Variants in IGDCC3 observed in about 807,000 individuals in gnomAD.
IGDCC3 encodes the protein immunoglobulin superfamily DCC subclass member 3, also known as putative neuronal cell adhesion molecule.
Under a neutral mutation model 72.0 loss-of-function variants are expected in IGDCC3, and 47 were observed. That is an observed-to-expected ratio of 0.65 (90% CI 0.52 to 0.83). The LOEUF (loss-of-function observed/expected upper bound fraction) is 0.83, where lower values mean the gene tolerates loss of function less well. IGDCC3 is among the 40% of genes least tolerant of loss of function. The probability of loss-of-function intolerance (pLI) is 0.00; values close to 1 mark genes in which losing one functional copy is unlikely to be tolerated. For synonymous variants in IGDCC3, 477 were observed against 472.8 expected, an observed-to-expected ratio of 1.01 and a Z score of -0.11; for missense variants, 1,038 against 1,091.3, an observed-to-expected ratio of 0.95 and a Z score of 0.69.
Position 65,331,191 on chromosome 15 carries a change from C to T in IGDCC3, c.1420G>A (p.Glu474Lys). 2.5e-6 allele frequency: 4 copies of T among 1,614,062 alleles called. No individual in the cohort carries two copies. The highest frequency in any genetic ancestry group is 2.2e-5 in the East Asian group (1 of 44,870). Residue 474 changes from glutamate (E) to lysine (K), a missense_variant, in exon 9 of 14, where the codon GAG becomes AAG. By Grantham distance (56) the Glu-to-Lys change is moderately conservative (BLOSUM62 1). Coordinates refer to ENST00000327987, the MANE Select transcript of IGDCC3 (RefSeq NM_004884.4). ...TGAAAGGTGCTCTTGCTGACTGCCT[C>T]CTGATACTCCAGCTCCGGTGGGTCT... ...AADPPELEYQ[E>K]AVSKSTFQHL...
intron 2 of IGDCC3, among the ~76,000 whole-genome samples, chr15:65,355,266 A>C (rs1394404804): frequency 2.0e-5 from 3 of 152,122 alleles, no homozygotes; most frequent in African/African-American, 7.2e-5. Flanking sequence ...GCTAGGCGGC[A>C]GGAGTAAGTG....
At chr15:65,355,655 G>GGGCCC in intron 2 of IGDCC3, 1 of 257,662 alleles carries the variant, frequency 3.9e-6, no homozygotes, top group South Asian at 2.7e-5. Context: ...CGACGCGGGC[G>GGGCCC]TCCCGCCCCC....
chr15:65,329,452 T>C lies in IGDCC3; in HGVS notation c.2143A>G (p.Lys715Glu). 1 of 1,610,194 alleles carries C rather than the reference T, an allele frequency of 6.2e-7. No individual in the cohort carries two copies. Among genetic ancestry groups the C allele is most frequent in the Admixed American group, 1.7e-5 (1 of 58,800 alleles). The part of the protein sequence containing the change: ...LGRDEKRVDM[K>E]ELEQLFPPAS... Reference sequence around the variant, plus strand: ...GGGGGGAACAGCTGCTCCAGCTCCTTCATATCCACACGTTTCTCGTCTCGG... The same window carrying C: ...GGGGGGAACAGCTGCTCCAGCTCCTCCATATCCACACGTTTCTCGTCTCGG... Residue 715 changes from lysine (K) to glutamate (E), a missense_variant, in exon 13 of 14, where the codon AAG (lysine) becomes GAG (glutamate). Coordinates refer to ENST00000327987, the MANE Select transcript of IGDCC3 (RefSeq NM_004884.4). The surrounding 1 kb of genome is among the most constrained non-coding windows in gnomAD (Gnocchi z 4.1).
intron 5 of IGDCC3, 93 bp from the exon 6 acceptor site, chr15:65,333,508 C>G: frequency 8.0e-7 from 1 of 1,252,836 alleles, no homozygotes; most frequent in Non-Finnish European, 1.1e-6. Flanking sequence ...TGCCCTTCCT[C>G]CTGTCTTCTA....
At position 65,332,095 on chromosome 15, in the gene IGDCC3, A is replaced by T; in HGVS notation, c.994T>A (p.Phe332Ile). Residue 332 changes from phenylalanine to isoleucine, a missense_variant, in exon 7 of 14, where the codon TTT becomes ATT. Transcript: ENST00000327987. ...GRLVVQAPAE[F>I]VQHPQSISRP... is the part of the protein sequence containing the mutation. ...GAGATGGACTGGGGATGCTGCACAA[A>T]CTCAGCTGGGGCTGCGAGTAGAGTC... 6.2e-7 allele frequency: 1 copy of T among 1,613,394 alleles called. No homozygotes were observed. The highest frequency in any genetic ancestry group is 1.1e-5 in the South Asian group (1 of 90,974).
rs1423422080 is a variant in IGDCC3 at position 65,377,558 on chromosome 15, C to A, written c.103+128G>T. ...TCCCCGTCCGGATCCGCAGGGTCCC[C>A]CCCGCGCGGGGTCCGCCCTCAGGTC... is the stretch of plus-strand genomic sequence containing the variant. On this transcript the variant is annotated intron_variant, in intron 1 of 13. Transcript: ENST00000327987. The surrounding 1 kb of genome is among the most constrained non-coding windows in gnomAD (Gnocchi z 4.9). The A allele has an allele frequency of 8.2e-6, 8 of 974,090 alleles. No homozygotes were observed. Among genetic ancestry groups the A allele is most frequent in the Non-Finnish European group, 1.1e-5 (8 of 750,758 alleles). The allele number at this position is 974,090 out of a possible 1,614,324, so 60.3% of individuals were successfully genotyped here.
chr15:65,334,851 C>T lies in IGDCC3; in HGVS notation c.700G>A (p.Ala234Thr). ...ACGAGGATGGCTGGCTCCTTGTAGG[C>T]CCCAGAGCCCGAGCCTGGGAGGAAG... ...RLTVSGSGSG[A>T]YKEPAILVGP... is the part of the protein sequence containing the mutation. Residue 234 changes from alanine to threonine, a missense_variant, in exon 5 of 14, where the codon GCC becomes ACC. Ala to Thr is a moderately conservative substitution (Grantham distance 58, BLOSUM62 0). Transcript: ENST00000327987. 6.2e-7 allele frequency: 1 copy of T among 1,612,106 alleles called. No individual in the cohort carries two copies. The highest frequency in any genetic ancestry group is 8.5e-7 in the Non-Finnish European group (1 of 1,179,210).
intron 2 of IGDCC3, among the ~76,000 whole-genome samples, chr15:65,367,516 T>G (rs974568597): frequency 2.0e-5 from 3 of 151,502 alleles, no homozygotes; most frequent in African/African-American, 7.3e-5. Context: ...ACCCTAAAAC[T>G]TAAAAGTATA....
rs147429321 is a variant in IGDCC3, at chr15:65,376,233, C to T, written c.104-831G>A. Among the ~76,000 whole-genome samples the T allele has an allele frequency of 4.2e-4, 64 of 152,354 alleles. 2 individuals carry two copies. The highest frequency in any genetic ancestry group is 1.5e-3 in the African/African-American group (63 of 41,586). ...CCTAGAACCTTTACTTCCAGCCAAC[C>T]TCTCTGCTCCTGCAGAAGAGAAATG... On this transcript the variant is annotated intron_variant, in intron 1 of 13. Coordinates refer to ENST00000327987, the MANE Select transcript of IGDCC3 (RefSeq NM_004884.4).
chr15:65,360,901 G>A (rs191349617), intron 2 of IGDCC3, among the ~76,000 whole-genome samples: 415 of 152,186 alleles, frequency 2.7e-3, no homozygotes, highest in African/African-American at 9.6e-3. Context: ...TCAGCCTCCC[G>A]AGTAGCTGGG....
Position 65,377,892 on chromosome 15 carries a change from C to T in IGDCC3, c.-104G>A. On this transcript the variant is annotated 5_prime_UTR_variant, in exon 1 of 14. Transcript: ENST00000327987. The surrounding 1 kb of genome is among the most constrained non-coding windows in gnomAD (Gnocchi z 4.9). ...CCGGGGCCGGGGCTGGGGCTCCGGC[C>T]GGGGCCGAGCCCAGGCGGTGGGGGA... is the stretch of plus-strand genomic sequence containing the variant. 9.9e-7 allele frequency: 1 copy of T among 1,005,974 alleles called. No homozygotes were observed. Among genetic ancestry groups the T allele is most frequent in the Non-Finnish European group, 1.2e-6 (1 of 840,312 alleles). The allele number at this position is 1,005,974 out of a possible 1,614,324, so 62.3% of individuals were successfully genotyped here.
At chr15:65,333,199 G>T in intron 6 of IGDCC3, 58 bp downstream of exon 6, 1 of 1,482,346 alleles carries the variant, frequency 6.7e-7, no homozygotes, top group Non-Finnish European at 9.0e-7. Flanking sequence ...GCCTGGGCTG[G>T]GAGGAAGGGA....
At position 65,332,354 on chromosome 15, in the gene IGDCC3, A is replaced by G. The variant is rs1224980880; in HGVS notation, c.983-248T>C. Among the ~76,000 whole-genome samples, 14 of 152,188 alleles carry G rather than the reference A, an allele frequency of 9.2e-5. No homozygotes were observed. The East Asian group carries it at 2.5e-3, about 27-fold the overall frequency. On this transcript the variant is annotated intron_variant, in intron 6 of 13. Transcript: ENST00000327987. ...GAGGACTCCTTTTTAATGACTATTT[A>G]AAAGACTGACATTTGTATCCGAAAG...
In IGDCC3 at chr15:65,331,055, C is replaced by A. The variant is rs777243001; in HGVS notation, c.1556G>T (p.Gly519Val). ...ASVPTLASTL[G>V]EAPAPPPLSV... ...GCTCCACACCCAGGCCTCACCTTCA[C>A]CCAGGGTGCTAGCTAGGGTGGGCAC... The change falls in exon 9 of 14, where the codon GGT becomes GTT. Residue 519 changes from glycine to valine, a missense_variant. Gly to Val is a moderately radical substitution (Grantham distance 109). Transcript: ENST00000327987. The A allele has an allele frequency of 1.2e-5, 19 of 1,613,592 alleles. No individual in the cohort carries two copies. The highest frequency in any genetic ancestry group is 2.2e-5 in the South Asian group (2 of 91,054).
intron 2 of IGDCC3, among the ~76,000 whole-genome samples, chr15:65,371,679 C>G (rs2091326543): frequency 6.6e-6 from 1 of 152,222 alleles, no homozygotes; most frequent in Non-Finnish European, 1.5e-5. Flanking sequence ...CCCCAAGAGA[C>G]CTGAGATCAA....
intron 2 of IGDCC3, among the ~76,000 whole-genome samples, chr15:65,350,615 C>T (rs1462034117): frequency 6.6e-6 from 1 of 152,122 alleles, no homozygotes; most frequent in East Asian, 1.9e-4. Context: ...GTGCGTGCCA[C>T]CAGGCCCGGC....
rs959049518 is a variant in IGDCC3 at position 65,329,873 on chromosome 15, A to G, written c.1859-9T>C. ...ACATGGTGGGCTCAAGGCTGGGGAC[A>G]GGGACGGGTTGGAGGCTTTGGCTCT... is the stretch of plus-strand genomic sequence containing the variant. On this transcript the variant is annotated splice_polypyrimidine_tract_variant and intron_variant, in intron 11 of 13. Coordinates refer to ENST00000327987, the MANE Select transcript of IGDCC3 (RefSeq NM_004884.4). The surrounding 1 kb of genome is among the most constrained non-coding windows in gnomAD (Gnocchi z 4.1). 2.5e-6 allele frequency: 4 copies of G among 1,613,694 alleles called. No homozygotes were observed. The African/African-American group carries it at 5.3e-5, about 22-fold the overall frequency.
At chr15:65,333,138 AG>A in intron 6 of IGDCC3, 118 bp downstream of exon 6, 1 of 993,746 alleles carries the variant, frequency 1.0e-6, no homozygotes, top group Non-Finnish European at 1.4e-6. Flanking sequence ...GTGAGGGGCG[AG>A]GGGCAGGGCG....
chr15:65,370,720 C>T (rs1223716656), intron 2 of IGDCC3, among the ~76,000 whole-genome samples: 1 of 149,098 alleles, frequency 6.7e-6, no homozygotes, highest in Non-Finnish European at 1.5e-5. Context: ...TGCACATTAT[C>T]ATAGGTAATC....
Sources: allele counts gnomAD v4.1 joint callset (sites outside exome capture counted in the v4.1 genomes callset), GRCh38; gene constraint gnomAD v4.1.1; non-coding constraint Gnocchi (gnomAD v3.1); transcripts MANE v1.5; gene names NCBI Gene and HGNC (gene_info 2026-07-23, HGNC 2026-07-21).